WWOX: variants seen among roughly 807,000 people sequenced by gnomAD.
WWOX encodes the protein WW domain-containing oxidoreductase.
In WWOX, 69 loss-of-function variants were observed where a neutral mutation model predicts 46.2. That is an observed-to-expected ratio of 1.49 (90% CI 1.23 to 1.82). The LOEUF (loss-of-function observed/expected upper bound fraction) is 1.82. Among genes scored for constraint, WWOX ranks in the 40% most tolerant of loss-of-function variants. WWOX has a pLI of 0.00. For synonymous variants in WWOX, 359 were observed against 202.6 expected, an observed-to-expected ratio of 1.77 and a Z score of -6.56; for missense variants, 919 against 542.6, an observed-to-expected ratio of 1.69 and a Z score of -6.89.
intron 8 of WWOX, among the ~76,000 whole-genome samples, chr16:78,706,474 G>C (rs922076299): frequency 1.3e-5 from 2 of 152,118 alleles, no homozygotes; most frequent in Non-Finnish European, 2.9e-5. Flanking sequence ...TTGCTTTCCT[G>C]GGGCTCTTCC....
chr16:78,606,462 A>T (rs757291391), intron 8 of WWOX, among the ~76,000 whole-genome samples: 2 of 152,092 alleles, frequency 1.3e-5, no homozygotes, highest in Admixed American at 6.6e-5. Context: ...AGAAAGAAAA[A>T]AAAAAGGGTG....
intron 8 of WWOX, among the ~76,000 whole-genome samples, chr16:78,561,492 T>C (rs897666562): frequency 6.6e-6 from 1 of 152,112 alleles, no homozygotes; most frequent in African/African-American, 2.4e-5. Flanking sequence ...ACCTAGAGTA[T>C]GAATTGACTC....
intron 8 of WWOX, among the ~76,000 whole-genome samples, chr16:78,646,113 A>C (rs1021235240): frequency 2.0e-5 from 3 of 152,114 alleles, no homozygotes; most frequent in African/African-American, 7.2e-5. Context: ...ACATCCCTCT[A>C]CAAAGTCCCA....
intron 8 of WWOX, among the ~76,000 whole-genome samples, chr16:79,058,528 G>A (rs529423513): frequency 6.6e-6 from 1 of 152,142 alleles, no homozygotes; most frequent in Non-Finnish European, 1.5e-5. Context: ...GAGGGAGGAG[G>A]CAAGTATATT....
intron 8 of WWOX, among the ~76,000 whole-genome samples, chr16:78,855,416 ATGCAG>A (rs1276113259): frequency 5.3e-5 from 8 of 152,218 alleles, no homozygotes; most frequent in African/African-American, 1.7e-4. Context: ...TTGAAGACAA[ATGCAG>A]TGAGTTTAAT....
intron 8 of WWOX, among the ~76,000 whole-genome samples, chr16:79,084,862 C>G (rs1272451010): frequency 6.6e-6 from 1 of 152,172 alleles, no homozygotes; most frequent in South Asian, 2.1e-4. Context: ...TTCATTTGTA[C>G]ATATATGTAT....
chr16:79,129,329 C>T (rs967169831), intron 8 of WWOX, among the ~76,000 whole-genome samples: 1 of 149,144 alleles, frequency 6.7e-6, no homozygotes, highest in Non-Finnish European at 1.5e-5. Context: ...CTGATATGTT[C>T]GTTATGCACA....
chr16:79,002,511 C>G (rs746111777), intron 8 of WWOX, among the ~76,000 whole-genome samples: 1 of 152,162 alleles, frequency 6.6e-6, no homozygotes, highest in Non-Finnish European at 1.5e-5. Context: ...GTGTGAGCCA[C>G]CGCACCCGGC....
At chr16:78,941,253 C>G (rs187980198) in intron 8 of WWOX, among the ~76,000 whole-genome samples, 3 of 152,036 alleles carry the variant, frequency 2.0e-5, no homozygotes, top group Admixed American at 2.0e-4. Context: ...GTTCTGCGGT[C>G]GCTTGGAGGA....
chr16:78,547,124 TCAGAAAAAAAAAAAA>T (rs1201524252), intron 8 of WWOX, among the ~76,000 whole-genome samples: 24 of 41,810 alleles, frequency 5.7e-4, no homozygotes, highest in African/African-American at 2.1e-3. Flanking sequence ...AGACCTTGTC[TCAGAAAAAAAAAAAA>T]AAAAAAAAAA....
At chr16:78,711,114 G>T (rs950456531) in intron 8 of WWOX, among the ~76,000 whole-genome samples, 1 of 152,182 alleles carries the variant, frequency 6.6e-6, no homozygotes, top group South Asian at 2.1e-4. Context: ...TTTCTTTAAA[G>T]CCTGCTGGCT....
At chr16:78,326,727 C>G (rs2080631842) in intron 5 of WWOX, among the ~76,000 whole-genome samples, 1 of 152,020 alleles carries the variant, frequency 6.6e-6, no homozygotes, top group Non-Finnish European at 1.5e-5. Context: ...TTCTTGCCTG[C>G]CACTGACATG....
chr16:79,081,377 T>C (rs1342945780), intron 8 of WWOX, among the ~76,000 whole-genome samples: 1 of 152,204 alleles, frequency 6.6e-6, no homozygotes, highest in East Asian at 1.9e-4. Context: ...TTGGCCAGGC[T>C]GGTCTTGAAT....
intron 5 of WWOX, among the ~76,000 whole-genome samples, chr16:78,374,023 G>A (rs535729434): frequency 1.3e-5 from 2 of 152,226 alleles, no homozygotes; most frequent in Non-Finnish European, 2.9e-5. Flanking sequence ...CTGACCTCAA[G>A]TGGTCTGCCC....
chr16:78,307,196 A>C (rs1331862405), intron 5 of WWOX, among the ~76,000 whole-genome samples: 3 of 152,176 alleles, frequency 2.0e-5, no homozygotes, highest in Admixed American at 1.3e-4. Flanking sequence ...GTAAGTAGGG[A>C]ACTAACTACC....
At chr16:78,570,308 G>T (rs531095692) in intron 8 of WWOX, among the ~76,000 whole-genome samples, 2 of 152,090 alleles carry the variant, frequency 1.3e-5, no homozygotes, top group African/African-American at 4.8e-5. Flanking sequence ...TGAAACATTG[G>T]TAGTAGATGA....
intron 8 of WWOX, among the ~76,000 whole-genome samples, chr16:78,636,626 A>T (rs894916874): frequency 1.3e-5 from 2 of 152,086 alleles, no homozygotes; most frequent in Admixed American, 6.6e-5. Flanking sequence ...ACTGATAATT[A>T]ATGGATTTTT....
intron 8 of WWOX, among the ~76,000 whole-genome samples, chr16:78,817,172 C>G (rs112425780): frequency 3.7e-3 from 193 of 51,562 alleles, no homozygotes; most frequent in African/African-American, 0.011. Flanking sequence ...TAGTGCTATT[C>G]TTTTTTTTTT....
intron 8 of WWOX, among the ~76,000 whole-genome samples, chr16:78,511,165 A>T (rs1465425789): frequency 6.6e-6 from 1 of 152,136 alleles, no homozygotes; most frequent in Non-Finnish European, 1.5e-5. Flanking sequence ...GCCTGTACAA[A>T]AATCGGGAAA....
Sources: allele counts gnomAD v4.1 joint callset (sites outside exome capture counted in the v4.1 genomes callset), GRCh38; gene constraint gnomAD v4.1.1; transcripts MANE v1.5; gene names NCBI Gene and HGNC (gene_info 2026-07-23, HGNC 2026-07-21).